DAB1: variants seen among roughly 807,000 people sequenced by gnomAD.
DAB1 encodes the protein disabled homolog 1.
Under a neutral mutation model 64.6 loss-of-function variants are expected in DAB1, and 15 were observed. That is an observed-to-expected ratio of 0.23 (90% CI 0.16 to 0.36). The LOEUF (loss-of-function observed/expected upper bound fraction) is 0.36, where lower values mean the gene tolerates loss of function less well. Among genes scored for constraint, DAB1 ranks in the 10% least tolerant of loss-of-function variants. The pLI is 1.00. For synonymous variants in DAB1, 235 were observed against 251.9 expected (o/e 0.93, Z 0.64); for missense variants, 596 against 706.7 (o/e 0.84, Z 1.78).
At chr1:57,554,711 T>TC (rs1369491224) in intron 7 of DAB1, among the ~76,000 whole-genome samples, 1 of 152,236 alleles carries the variant, frequency 6.6e-6, no homozygotes, top group Non-Finnish European at 1.5e-5. Context: ...TCCTATTTTT[T>TC]CTCCATTGAC....
At chr1:58,036,033 T>G (rs1647040168) in intron 5 of DAB1, among the ~76,000 whole-genome samples, 1 of 151,776 alleles carries the variant, frequency 6.6e-6, no homozygotes, top group Non-Finnish European at 1.5e-5. Flanking sequence ...TAGCCTGGGG[T>G]GGGGCTATAG....
chr1:57,462,084 G>C (rs1448381470), intron 7 of DAB1, among the ~76,000 whole-genome samples: 1 of 150,776 alleles, frequency 6.6e-6, no homozygotes, highest in Admixed American at 6.7e-5. Context: ...CTCCCAAGTA[G>C]CTGGGAGGTG....
At chr1:57,586,328 A>T (rs1645380174) in intron 7 of DAB1, among the ~76,000 whole-genome samples, 1 of 152,132 alleles carries the variant, frequency 6.6e-6, no homozygotes. Context: ...GGCTGGGTGA[A>T]TTGATGCCCT....
chr1:58,519,451 C>CTTACTGTA (rs1557450843), intron 2 of DAB1, among the ~76,000 whole-genome samples: 1 of 152,112 alleles, frequency 6.6e-6, no homozygotes, highest in Non-Finnish European at 1.5e-5. Flanking sequence ...AGAGCTAGAT[C>CTTACTGTA]GCTGTCCTAC....
chr1:57,358,440 G>A (rs1014765390), intron 1 of DAB1, among the ~76,000 whole-genome samples: 3 of 151,902 alleles, frequency 2.0e-5, no homozygotes, highest in Admixed American at 6.6e-5. Flanking sequence ...TTACAGTGGT[G>A]TATCACATTT....
At chr1:57,734,979 C>G (rs537608895) in intron 6 of DAB1, among the ~76,000 whole-genome samples, 2 of 152,166 alleles carry the variant, frequency 1.3e-5, no homozygotes, top group Non-Finnish European at 2.9e-5. Context: ...CATTTAAATG[C>G]CATTAATTTC....
rs538991677 is a variant in DAB1, at chr1:58,546,390, G to A, written n.32+313C>T. 3.3e-5 allele frequency among the ~76,000 whole-genome samples: 5 copies of A among 152,296 alleles called. 1 individual carries two copies. The South Asian group carries it at 1.0e-3, about 32-fold the overall frequency. On this transcript the variant is annotated intron_variant and non_coding_transcript_variant, in intron 1 of 20. Transcript: ENST00000485760. ...CTGAGGGGGAGGGCAGGCGGCCCACGAAAGTACTGCCACGGGGCAGACACA... is the reference window on the plus strand; with the variant it reads ...CTGAGGGGGAGGGCAGGCGGCCCACAAAAGTACTGCCACGGGGCAGACACA...
chr1:57,201,474 T>C (rs1665092244), intron 2 of DAB1, among the ~76,000 whole-genome samples: 1 of 151,898 alleles, frequency 6.6e-6, no homozygotes, highest in African/African-American at 2.4e-5. Flanking sequence ...TTAACCAATT[T>C]ATTCCTAGTC....
At chr1:58,521,399 C>G (rs942171534) in intron 2 of DAB1, among the ~76,000 whole-genome samples, 1 of 148,664 alleles carries the variant, frequency 6.7e-6, no homozygotes, top group African/African-American at 2.5e-5. Flanking sequence ...ACATATGAAA[C>G]CCAAAAAATG....
At chr1:57,994,295 TC>T (rs1192891508) in intron 5 of DAB1, among the ~76,000 whole-genome samples, 4 of 152,186 alleles carry the variant, frequency 2.6e-5, no homozygotes, top group Non-Finnish European at 1.5e-5. Context: ...TTTTACTTTT[TC>T]CTTGAAAGAG....
chr1:57,823,533 C>G (rs960679895), downstream of DAB1, among the ~76,000 whole-genome samples: 2 of 152,012 alleles, frequency 1.3e-5, no homozygotes, highest in Non-Finnish European at 2.9e-5. Context: ...TTCTGCATTT[C>G]TAGAAAGAAA....
At chr1:58,448,909 G>C (rs1645101713) in intron 3 of DAB1, among the ~76,000 whole-genome samples, 1 of 152,078 alleles carries the variant, frequency 6.6e-6, no homozygotes, top group Non-Finnish European at 1.5e-5. Flanking sequence ...GTTCAAAGGT[G>C]GTCCATCCAC....
chr1:58,040,941 C>T (rs1445064854), intron 5 of DAB1, among the ~76,000 whole-genome samples: 4 of 152,192 alleles, frequency 2.6e-5, no homozygotes, highest in Admixed American at 2.6e-4. Flanking sequence ...GGGATTGGCT[C>T]TTGCTGAACT....
At chr1:57,490,818 C>T (rs562080336) in intron 7 of DAB1, among the ~76,000 whole-genome samples, 23 of 152,176 alleles carry the variant, frequency 1.5e-4, no homozygotes, top group Non-Finnish European at 2.2e-4. Flanking sequence ...GACTTCAATG[C>T]CATATCCAAG....
chr1:57,799,574 A>C (rs1010139258), intron 6 of DAB1, among the ~76,000 whole-genome samples: 1 of 126,938 alleles, frequency 7.9e-6, no homozygotes, highest in African/African-American at 2.8e-5. Flanking sequence ...AAAAAAAAAA[A>C]AAAAAAGATC....
At chr1:57,463,027 C>T (rs1275522072) in intron 7 of DAB1, among the ~76,000 whole-genome samples, 1 of 152,074 alleles carries the variant, frequency 6.6e-6, no homozygotes, top group Non-Finnish European at 1.5e-5. Context: ...AGAAATATAA[C>T]AATATAATAT....
intron 3 of DAB1, among the ~76,000 whole-genome samples, chr1:58,373,748 T>C (rs1213668): frequency 0.92 from 139,428 of 151,552 alleles, 64,320 homozygotes; most frequent in East Asian, 1. Flanking sequence ...CCTAAGGAAT[T>C]GCCACACTGA....
intron 6 of DAB1, among the ~76,000 whole-genome samples, chr1:57,790,113 C>T (rs1650524910): frequency 2.6e-5 from 4 of 152,240 alleles, no homozygotes; most frequent in Non-Finnish European, 5.9e-5. Context: ...AGTTGCCCCT[C>T]CTGCTCTGTT....
intron 4 of DAB1, among the ~76,000 whole-genome samples, chr1:58,191,339 C>T (rs982812787): frequency 6.6e-6 from 1 of 152,102 alleles, no homozygotes; most frequent in African/African-American, 2.4e-5. Flanking sequence ...AGGTACCTTG[C>T]CCAAAGGTAC....
Sources: allele counts gnomAD v4.1 joint callset (sites outside exome capture counted in the v4.1 genomes callset), GRCh38; gene constraint gnomAD v4.1.1; transcripts MANE v1.5; gene names NCBI Gene and HGNC (gene_info 2026-07-23, HGNC 2026-07-21).